The following USH2A variants were observed in gnomAD, a reference collection of about 807,000 sequenced individuals.
USH2A encodes usherin.
In USH2A, 443 loss-of-function variants were observed where a neutral mutation model predicts 538.9. The observed-to-expected ratio is 0.82, with a 90% confidence interval of 0.76 to 0.89. The LOEUF (loss-of-function observed/expected upper bound fraction) is 0.89. Ranked by LOEUF, USH2A falls within the 40% of genes least tolerant of loss-of-function variation. The pLI is 0.00. For missense variants in USH2A, 6,633 were observed against 6,324.8 expected, an observed-to-expected ratio of 1.05 and a Z score of -1.65; for synonymous variants, 2,413 against 2,273.5, an observed-to-expected ratio of 1.06 and a Z score of -1.75.
In USH2A at chr1:216,013,052, G is replaced by A. The variant is rs952200853; in HGVS notation, c.6326-12490C>T. On this transcript the variant is annotated intron_variant, in intron 32 of 71. Transcript: ENST00000307340. The stretch of plus-strand genomic sequence containing the variant: ...CCCCAAACTGCCACTCTTAACTCTT[G>A]AAGTAAATAAATAATCTTTGCTGGC... Among the ~76,000 whole-genome samples the A allele has an allele frequency of 9.2e-5, 14 of 152,248 alleles. No homozygotes were observed. In the South Asian group the frequency reaches 2.9e-3, roughly 32 times the overall value.
intron 44 of USH2A, among the ~76,000 whole-genome samples, chr1:215,865,739 C>T (rs945134121): frequency 6.6e-6 from 1 of 152,144 alleles, no homozygotes; most frequent in African/African-American, 2.4e-5. Context: ...AAACCTGCAG[C>T]CTTATAAAAA....
intron 4 of USH2A, among the ~76,000 whole-genome samples, chr1:216,351,152 A>G (rs1016247146): frequency 9.2e-5 from 14 of 152,208 alleles, no homozygotes; most frequent in Non-Finnish European, 1.5e-4. Flanking sequence ...AATAAAAAAA[A>G]TCTTGCTTTC....
At chr1:216,307,759 C>T (rs1404629458) in intron 9 of USH2A, among the ~76,000 whole-genome samples, 1 of 152,130 alleles carries the variant, frequency 6.6e-6, no homozygotes, top group East Asian at 1.9e-4. Flanking sequence ...CAGGGCTCTT[C>T]CCCCTGCTTC....
intron 11 of USH2A, among the ~76,000 whole-genome samples, chr1:216,261,699 T>A (rs2102567184): frequency 6.6e-6 from 1 of 152,140 alleles, no homozygotes. Context: ...GCCCCTAAAC[T>A]GAGAAACGAC....
At chr1:216,406,704 G>A (rs2102767498) in intron 3 of USH2A, among the ~76,000 whole-genome samples, 1 of 152,166 alleles carries the variant, frequency 6.6e-6, no homozygotes, top group East Asian at 1.9e-4. Flanking sequence ...CTCAATATAT[G>A]TTCCCATAGA....
At chr1:215,952,352 T>G (rs1666942694) in intron 37 of USH2A, among the ~76,000 whole-genome samples, 1 of 152,250 alleles carries the variant, frequency 6.6e-6, no homozygotes, top group Non-Finnish European at 1.5e-5. Context: ...GTCTGTGTCT[T>G]TTAACTGGAG....
chr1:215,650,324 C>T (rs1443909425), intron 65 of USH2A, among the ~76,000 whole-genome samples: 1 of 152,070 alleles, frequency 6.6e-6, no homozygotes, highest in Non-Finnish European at 1.5e-5. Flanking sequence ...GTGTGATTGC[C>T]TTTAAAGTCT....
At chr1:216,345,181 C>T (rs2038151812) in intron 4 of USH2A, among the ~76,000 whole-genome samples, 1 of 152,018 alleles carries the variant, frequency 6.6e-6, no homozygotes, top group Admixed American at 6.6e-5. Context: ...TCTCCTTTCC[C>T]TTTCTTACCT....
chr1:216,352,664 C>T (rs370231893), intron 4 of USH2A, among the ~76,000 whole-genome samples: 1 of 151,998 alleles, frequency 6.6e-6, no homozygotes, highest in East Asian at 1.9e-4. Flanking sequence ...TAACAACATG[C>T]CTTTATTCCC....
chr1:215,970,427 C>A (rs1340803378), intron 36 of USH2A, among the ~76,000 whole-genome samples, 198 bp downstream of exon 36: 1 of 152,104 alleles, frequency 6.6e-6, no homozygotes, highest in Admixed American at 6.6e-5. Context: ...CTTCACTGGA[C>A]CTATGTTCAG....
chr1:216,400,404 GA>G (rs200147938), intron 3 of USH2A, among the ~76,000 whole-genome samples: 4,368 of 141,136 alleles, frequency 0.031, 161 homozygotes, highest in African/African-American at 0.084. Context: ...AGATTAAAAG[GA>G]AAAAAAAAAA....
intron 30 of USH2A, among the ~76,000 whole-genome samples, chr1:216,054,799 T>G (rs1014256385): frequency 3.9e-5 from 6 of 152,158 alleles, no homozygotes; most frequent in Non-Finnish European, 8.8e-5. Context: ...GTAAACACCT[T>G]GGCCTGTCTG....
At chr1:216,135,162 T>TCA (rs1227457092) in intron 21 of USH2A, among the ~76,000 whole-genome samples, 5 of 58,674 alleles carry the variant, frequency 8.5e-5, no homozygotes, top group South Asian at 7.2e-4. Flanking sequence ...TCTCTCTCTC[T>TCA]CTCTCACACA....
At chr1:216,119,533 T>C (rs1037962699) in intron 21 of USH2A, among the ~76,000 whole-genome samples, 4 of 152,062 alleles carry the variant, frequency 2.6e-5, no homozygotes, top group Non-Finnish European at 5.9e-5. Context: ...TCTATGTTGT[T>C]TTAAAGTTCT....
chr1:216,190,073 G>T, intron 20 of USH2A, 150 bp downstream of exon 20: 1 of 1,116,976 alleles, frequency 9.0e-7, no homozygotes, highest in Non-Finnish European at 1.3e-6. Flanking sequence ...TTTGGTTGTT[G>T]TTGTTTAAAA....
intron 38 of USH2A, among the ~76,000 whole-genome samples, chr1:215,901,844 A>C (rs1031953136): frequency 2.0e-5 from 3 of 152,204 alleles, no homozygotes; most frequent in African/African-American, 7.2e-5. Context: ...AAAGCTATTC[A>C]GAAACTTGAA....
intron 22 of USH2A, among the ~76,000 whole-genome samples, chr1:216,093,931 C>A (rs905445263): frequency 6.6e-6 from 1 of 152,154 alleles, no homozygotes; most frequent in Non-Finnish European, 1.5e-5. Flanking sequence ...CGTAGTTAAG[C>A]CACTTCATCT....
intron 49 of USH2A, among the ~76,000 whole-genome samples, chr1:215,806,212 A>C (rs1662496934): frequency 6.6e-6 from 1 of 152,138 alleles, no homozygotes; most frequent in Non-Finnish European, 1.5e-5. Flanking sequence ...ACACATATCA[A>C]ATAATTTTCA....
rs1325992280 is a variant in USH2A at position 215,998,998 on chromosome 1, G to T, written c.6546C>A (p.Asn2182Lys). Residue 2182 changes from asparagine to lysine, a missense_variant, in exon 34 of 72, where the codon AAC becomes AAA. By Grantham distance (94) the Asn-to-Lys change is moderately conservative. Transcript: ENST00000307340. ...TCCAAATTGTAAAATCATGTGTATG[G>T]TTTGACATATATAATACATAGCGTT... is the stretch of plus-strand genomic sequence containing the variant. ...ILERYVLYMSNHTHDFTIWSV... is the reference protein window; with the variant it reads ...ILERYVLYMSKHTHDFTIWSV... 1 of 1,612,616 alleles carries T rather than the reference G, an allele frequency of 6.2e-7. No homozygotes were observed. The highest frequency in any genetic ancestry group is 1.1e-5 in the South Asian group (1 of 91,018).
Sources: gnomAD v4.1 joint callset for allele counts (sites outside exome capture counted in the v4.1 genomes callset) on GRCh38, gnomAD v4.1.1 for gene constraint, MANE v1.5 for transcripts, NCBI Gene and HGNC (gene_info 2026-07-23, HGNC 2026-07-21) for gene names.